BRD4: variants seen among roughly 807,000 people sequenced by gnomAD.
BRD4 encodes the protein bromodomain containing 4.
Under a neutral mutation model 142.1 loss-of-function variants are expected in BRD4, and 16 were observed. That is an observed-to-expected ratio of 0.11 (90% confidence interval 0.08 to 0.17). The LOEUF is 0.17. Among genes scored for constraint, BRD4 ranks in the 10% least tolerant of loss-of-function variants. The probability of loss-of-function intolerance (pLI) is 1.00; values close to 1 mark genes in which losing one functional copy is unlikely to be tolerated. For synonymous variants in BRD4, 833 were observed against 707.5 expected, an observed-to-expected ratio of 1.18 and a Z score of -2.82; for missense variants, 1,424 against 1,810.9, an observed-to-expected ratio of 0.79 and a Z score of 3.88.
At position 15,256,177 on chromosome 19, in the gene BRD4, C is replaced by G. The variant is rs761158744; in HGVS notation, c.1638G>C (p.Lys546Asn). 2 of 1,612,366 alleles carry G rather than the reference C, an allele frequency of 1.2e-6. No individual in the cohort carries two copies. Among genetic ancestry groups the G allele is most frequent in the Non-Finnish European group, 1.7e-6 (2 of 1,179,890 alleles). ...CTTTCCTTTTGTGCTTTTCTTTTTT[C>G]TTTTCCTTCTTGTCTTTCTCCTTTT... ...PKKKEKDKKE[K>N]KKEKHKRKEE... Residue 546 changes from lysine (K) to asparagine (N), a missense_variant, in exon 9 of 20, where the codon AAG becomes AAC. Lys to Asn is a moderately conservative substitution (Grantham distance 94). Transcript: ENST00000679869.
intron 1 of BRD4, among the ~76,000 whole-genome samples, chr19:15,320,264 C>T (rs1014417740): frequency 2.0e-5 from 3 of 152,094 alleles, no homozygotes; most frequent in African/African-American, 7.2e-5. Context: ...TACAGTAGAA[C>T]TTAACACTTG....
chr19:15,280,511 T>A, intron 1 of BRD4: 7 of 892,196 alleles, frequency 7.8e-6, no homozygotes, highest in Non-Finnish European at 9.5e-6. Flanking sequence ...GCCATCTGCT[T>A]ACAATGAGAT....
intron 11 of BRD4, chr19:15,253,760 C>G (rs546040780): frequency 6.3e-7 from 1 of 1,598,210 alleles, no homozygotes; most frequent in Non-Finnish European, 8.5e-7. Context: ...CCTGGGGACA[C>G]GAAGTCTCCA....
chr19:15,242,840 A>C (rs1197432686), intron 14 of BRD4, 60 bp downstream of exon 14: 2 of 1,555,924 alleles, frequency 1.3e-6, no homozygotes, highest in Non-Finnish European at 1.7e-6. Context: ...TGGCTTCCTG[A>C]GGACAAAACT....
intron 1 of BRD4, among the ~76,000 whole-genome samples, chr19:15,329,573 T>C (rs1246675561): frequency 6.6e-6 from 1 of 151,994 alleles, no homozygotes; most frequent in African/African-American, 2.4e-5. Context: ...ACCCCGTCTC[T>C]ACTAAAAATA....
intron 1 of BRD4, among the ~76,000 whole-genome samples, chr19:15,302,014 A>G (rs1005481176): frequency 6.6e-6 from 1 of 152,060 alleles, no homozygotes; most frequent in Non-Finnish European, 1.5e-5. Context: ...TAAAAATACA[A>G]AAATCAGCTG....
At chr19:15,265,281 G>A in intron 5 of BRD4, 73 bp downstream of exon 5, 4 of 1,372,912 alleles carry the variant, frequency 2.9e-6, no homozygotes, top group Non-Finnish European at 3.9e-6. Context: ...GACAGGCTCT[G>A]TGTAAAGCAC....
At chr19:15,280,191 G>A (rs1045926033) in intron 1 of BRD4, 2 of 937,930 alleles carry the variant, frequency 2.1e-6, no homozygotes, top group African/African-American at 1.8e-5. Context: ...AGTGGATGGT[G>A]GCCTGGTTGG....
In BRD4 at chr19:15,272,972, G is replaced by C. The variant is rs779939979; in HGVS notation, c.128C>G (p.Thr43Ser). 1.2e-6 allele frequency: 2 copies of C among 1,614,172 alleles called. No individual in the cohort carries two copies. Among genetic ancestry groups the C allele is most frequent in the Non-Finnish European group, 1.7e-6 (2 of 1,180,034 alleles). ...GGAGGTCTCTGGGGGCGGGGGGTTGGTGCTGGCTGCGTTGGCTGGCTGGGG... is the reference window on the plus strand; with the variant it reads ...GGAGGTCTCTGGGGGCGGGGGGTTGCTGCTGGCTGCGTTGGCTGGCTGGGG... ...AQPQPANAAS[T>S]NPPPPETSNP... The change falls in exon 2 of 20, where the codon ACC (threonine) becomes AGC (serine). Residue 43 changes from threonine to serine, a missense_variant. Transcript: ENST00000679869.
Position 15,253,974 on chromosome 19 carries a change from G to C in BRD4, c.2158+178C>G, listed in dbSNP as rs571009823. 6.4e-5 allele frequency: 45 copies of C among 700,138 alleles called. No homozygotes were observed. The South Asian group carries it at 7.2e-4, about 11-fold the overall frequency. 43.4% of individuals were successfully genotyped at this position (700,138 alleles called of 1,614,324 possible). On this transcript the variant is annotated intron_variant, in intron 11 of 19. Coordinates refer to ENST00000679869, the MANE Select transcript of BRD4 (RefSeq NM_001379291.1). ...GAGAGAATGGACACTACTGCACAGAGTGCAGGGCTATTCATGGCCCCAGGG... is the reference window on the plus strand; with the variant it reads ...GAGAGAATGGACACTACTGCACAGACTGCAGGGCTATTCATGGCCCCAGGG...
Position 15,307,189 on chromosome 19 carries a change from T to C in BRD4, c.-35+25101A>G, listed in dbSNP as rs118182156. Among the ~76,000 whole-genome samples the C allele has an allele frequency of 1.4e-3, 215 of 152,282 alleles. 7 individuals are homozygous for C. The East Asian group carries it at 0.038, about 27-fold the overall frequency. ...TGACACAAATCAGAATCACTCAAAA[T>C]TGAAAGGCTAACCAAAACACTGCAC... On this transcript the variant is annotated intron_variant, in intron 1 of 19. Transcript: ENST00000679869.
At chr19:15,317,246 G>C (rs1373218568) in intron 1 of BRD4, among the ~76,000 whole-genome samples, 1 of 152,188 alleles carries the variant, frequency 6.6e-6, no homozygotes, top group South Asian at 2.1e-4. Flanking sequence ...GTTTTCTGAG[G>C]ACTTAAGGAA....
intron 1 of BRD4, among the ~76,000 whole-genome samples, chr19:15,284,426 G>C (rs1031879953): frequency 1.3e-5 from 2 of 152,220 alleles, no homozygotes; most frequent in Non-Finnish European, 2.9e-5. Context: ...CAGTCAGTGA[G>C]AGCTGACAGT....
At chr19:15,289,362 A>T (rs2145663432) in intron 1 of BRD4, among the ~76,000 whole-genome samples, 1 of 152,206 alleles carries the variant, frequency 6.6e-6, no homozygotes, top group Non-Finnish European at 1.5e-5. Flanking sequence ...GACCAACCTG[A>T]CCAACATGGA....
At chr19:15,280,999 A>T (rs2047699538) in intron 1 of BRD4, among the ~76,000 whole-genome samples, 1 of 152,240 alleles carries the variant, frequency 6.6e-6, no homozygotes, top group Admixed American at 6.5e-5. Flanking sequence ...CTAGAGTGGC[A>T]TCTACTTCAA....
intron 2 of BRD4, among the ~76,000 whole-genome samples, chr19:15,272,543 G>C (rs1306046863): frequency 1.3e-5 from 2 of 152,110 alleles, no homozygotes; most frequent in African/African-American, 4.8e-5. Flanking sequence ...TAGATCTGTG[G>C]GCCTTCCTTT....
intron 11 of BRD4, among the ~76,000 whole-genome samples, chr19:15,246,281 T>TG: frequency 6.6e-6 from 1 of 151,782 alleles, no homozygotes; most frequent in South Asian, 2.1e-4. Flanking sequence ...GCTGTGGTGG[T>TG]GGGGGGAGGA....
intron 11 of BRD4, chr19:15,248,255 G>A (rs999104833): frequency 9.2e-6 from 2 of 217,874 alleles, no homozygotes; most frequent in Non-Finnish European, 1.8e-5. Context: ...CTTGGATGAT[G>A]TGGCCACACT....
chr19:15,325,104 T>C (rs1256677753), intron 1 of BRD4, among the ~76,000 whole-genome samples: 1 of 152,144 alleles, frequency 6.6e-6, no homozygotes, highest in Non-Finnish European at 1.5e-5. Flanking sequence ...AGGACGGCAG[T>C]AGCTAACCTT....
Sources: allele counts gnomAD v4.1 joint callset (sites outside exome capture counted in the v4.1 genomes callset), GRCh38; gene constraint gnomAD v4.1.1; transcripts MANE v1.5; gene names NCBI Gene and HGNC (gene_info 2026-07-23, HGNC 2026-07-21).